The following DENND1A variants were observed in gnomAD, a reference collection of about 807,000 sequenced individuals.
The protein encoded by DENND1A is DENN domain-containing protein 1A.
A neutral mutation model predicts 113.7 loss-of-function variants in DENND1A; 51 were observed. The ratio of observed to expected loss-of-function variants is 0.45; its 90% CI spans 0.36 to 0.57. The LOEUF (loss-of-function observed/expected upper bound fraction) is 0.57, where lower values mean the gene tolerates loss of function less well. Among genes scored for constraint, DENND1A ranks in the 20% least tolerant of loss-of-function variants. DENND1A has a pLI of 0.00. For synonymous variants in DENND1A, 565 were observed against 570.8 expected (o/e 0.99, Z 0.14); for missense variants, 1,258 against 1,395.9 (o/e 0.90, Z 1.57).
At chr9:123,891,075 A>G (rs1400850852) in intron 1 of DENND1A, among the ~76,000 whole-genome samples, 1 of 152,156 alleles carries the variant, frequency 6.6e-6, no homozygotes, top group African/African-American at 2.4e-5. Context: ...AGGCCTTCAG[A>G]ACAGTGAGCT....
chr9:123,513,231 C>T (rs1033359547), intron 13 of DENND1A, among the ~76,000 whole-genome samples: 3 of 152,176 alleles, frequency 2.0e-5, no homozygotes, highest in Admixed American at 1.3e-4. Context: ...CACACCCACA[C>T]GAGAATCAGC....
chr9:123,664,696 ACTG>A (rs937362670), intron 8 of DENND1A, among the ~76,000 whole-genome samples: 110 of 152,242 alleles, frequency 7.2e-4, no homozygotes, highest in East Asian at 3.9e-3. Context: ...CTTTGATCCA[ACTG>A]CTATTTCAAA....
chr9:123,588,768 A>ATTTT (rs1249188721), intron 11 of DENND1A, among the ~76,000 whole-genome samples: 1 of 133,598 alleles, frequency 7.5e-6, no homozygotes. Flanking sequence ...AAATAATTCT[A>ATTTT]TTTTGTTTTT....
chr9:123,521,726 G>A (rs896425014), intron 13 of DENND1A, among the ~76,000 whole-genome samples: 12 of 152,134 alleles, frequency 7.9e-5, no homozygotes, highest in African/African-American at 1.9e-4. Context: ...CTCAGAATCC[G>A]TCACAGTGAT....
chr9:123,383,917 T>TG lies in DENND1A; in HGVS notation c.1761-5_1761-4insC. The TG allele has an allele frequency of 6.2e-7, 1 of 1,605,914 alleles. No individual in the cohort carries two copies. On this transcript the variant is annotated splice_polypyrimidine_tract_variant and splice_region_variant and intron_variant, in intron 22 of 23. Coordinates refer to ENST00000394215, the MANE Select transcript of DENND1A (RefSeq NM_001352964.2). Reference sequence around the variant, plus strand: ...GAGTGTCCGATACGGCTGCGGCCTGTCGGGGACAGAGCAGGCTGCACTCTC... The same window carrying TG: ...GAGTGTCCGATACGGCTGCGGCCTGTGCGGGGACAGAGCAGGCTGCACTCTC...
chr9:123,505,012 T>C (rs2052798144), intron 13 of DENND1A, among the ~76,000 whole-genome samples: 1 of 152,208 alleles, frequency 6.6e-6, no homozygotes, highest in African/African-American at 2.4e-5. Flanking sequence ...AGAAGAGTTT[T>C]GCTGGTGTTC....
intron 13 of DENND1A, among the ~76,000 whole-genome samples, chr9:123,545,644 T>C (rs1458633989): frequency 6.6e-6 from 1 of 152,040 alleles, no homozygotes; most frequent in Non-Finnish European, 1.5e-5. Context: ...TTTTTTTGTA[T>C]TTTTAGTAGA....
chr9:123,433,753 T>C (rs1306849108), intron 19 of DENND1A, among the ~76,000 whole-genome samples: 2 of 152,210 alleles, frequency 1.3e-5, no homozygotes, highest in African/African-American at 4.8e-5. Flanking sequence ...AGATAAAACC[T>C]TTACGCCTAA....
At chr9:123,609,064 T>C (rs1286222724) in intron 11 of DENND1A, among the ~76,000 whole-genome samples, 1 of 152,242 alleles carries the variant, frequency 6.6e-6, no homozygotes, top group African/African-American at 2.4e-5. Context: ...CATGATTCTA[T>C]ATACATTTTA....
intron 13 of DENND1A, among the ~76,000 whole-genome samples, chr9:123,505,395 G>A (rs901636691): frequency 6.6e-6 from 1 of 152,158 alleles, no homozygotes; most frequent in African/African-American, 2.4e-5. Context: ...AATGGATTGC[G>A]AAGTGGGATT....
intron 1 of DENND1A, among the ~76,000 whole-genome samples, chr9:123,883,081 T>C (rs1848546462): frequency 6.6e-6 from 1 of 152,208 alleles, no homozygotes; most frequent in African/African-American, 2.4e-5. Flanking sequence ...GTCCTTTATA[T>C]TGATCTTCAC....
intron 13 of DENND1A, among the ~76,000 whole-genome samples, chr9:123,458,773 C>T (rs1485822807): frequency 1.3e-5 from 2 of 152,106 alleles, no homozygotes; most frequent in South Asian, 2.1e-4. Context: ...ACCAGGCTGA[C>T]CAACCTGCAG....
chr9:123,582,889 G>C (rs551134490), intron 12 of DENND1A, among the ~76,000 whole-genome samples: 2 of 150,566 alleles, frequency 1.3e-5, no homozygotes, highest in South Asian at 2.1e-4. Context: ...AGTAGAAACA[G>C]GGTTTCACCA....
intron 1 of DENND1A, among the ~76,000 whole-genome samples, chr9:123,925,688 T>C (rs1018231568): frequency 1.3e-5 from 2 of 152,214 alleles, no homozygotes; most frequent in African/African-American, 4.8e-5. Context: ...TTAATCTTCT[T>C]AGTTCTACAG....
chr9:123,432,424 G>A (rs867316804), intron 19 of DENND1A, among the ~76,000 whole-genome samples: 36 of 152,196 alleles, frequency 2.4e-4, no homozygotes, highest in African/African-American at 6.0e-4. Flanking sequence ...TCATGGCAGC[G>A]AATGAGTCCA....
At chr9:123,848,497 A>C (rs1355238830) in intron 2 of DENND1A, among the ~76,000 whole-genome samples, 1 of 152,130 alleles carries the variant, frequency 6.6e-6, no homozygotes, top group Non-Finnish European at 1.5e-5. Flanking sequence ...TGTTCCACCA[A>C]CCAGCCATTC....
At chr9:123,652,294 G>T in intron 8 of DENND1A, 171 bp from the exon 9 acceptor site, 1 of 571,048 alleles carries the variant, frequency 1.8e-6, no homozygotes, top group Non-Finnish European at 3.1e-6. Flanking sequence ...AAATCATGAA[G>T]GGTAAAGTTG....
chr9:123,526,568 C>T (rs1473711280), intron 13 of DENND1A, among the ~76,000 whole-genome samples: 3 of 152,204 alleles, frequency 2.0e-5, no homozygotes, highest in East Asian at 1.9e-4. Flanking sequence ...ACTCTACCTC[C>T]GCCACCTCGA....
chr9:123,451,778 T>C (rs1460022574), intron 17 of DENND1A, among the ~76,000 whole-genome samples: 1 of 152,228 alleles, frequency 6.6e-6, no homozygotes, highest in Non-Finnish European at 1.5e-5. Context: ...ACCAACACTA[T>C]AAATTAAAAA....
Sources: allele counts gnomAD v4.1 joint callset (sites outside exome capture counted in the v4.1 genomes callset), GRCh38; gene constraint gnomAD v4.1.1; transcripts MANE v1.5; gene names NCBI Gene and HGNC (gene_info 2026-07-23, HGNC 2026-07-21).